The following GRK1 variants were observed in gnomAD, a reference collection of about 807,000 sequenced individuals.
GRK1 encodes the protein G protein-coupled receptor kinase 1.
A neutral mutation model predicts 41.7 loss-of-function variants in GRK1; 28 were observed. The ratio of observed to expected loss-of-function variants is 0.67; its 90% CI spans 0.50 to 0.92. The LOEUF is 0.92. Ranked by LOEUF, GRK1 falls within the 40% of genes least tolerant of loss-of-function variation. The pLI is 0.00. For missense variants in GRK1, 703 were observed against 671.2 expected (o/e 1.05, Z -0.52); for synonymous variants, 327 against 286.7 (o/e 1.14, Z -1.42).
intron 4 of GRK1, among the ~76,000 whole-genome samples, chr13:113,727,365 A>G (rs1594575908): frequency 6.6e-6 from 1 of 151,838 alleles, no homozygotes; most frequent in East Asian, 1.9e-4. Context: ...TGTGGGCTGT[A>G]GGGTGTGGAC....
At chr13:113,651,905 T>C in the GRK1 span, among the ~76,000 whole-genome samples, 1 of 152,274 alleles carries the variant, frequency 6.6e-6, no homozygotes, top group African/African-American at 2.4e-5. Flanking sequence ...TAGGTGTCAC[T>C]AACTCATCAT....
upstream of GRK1, among the ~76,000 whole-genome samples, chr13:113,666,865 T>G (rs960485883): frequency 6.6e-6 from 1 of 152,222 alleles, no homozygotes; most frequent in Admixed American, 6.5e-5. Context: ...AAACAGCCTT[T>G]GTAAATTACG....
rs776339446 is a variant in GRK1, at chr13:113,669,822, CT to C, written c.827+9del. On this transcript the variant is annotated intron_variant, in intron 2 of 6. Coordinates refer to ENST00000335678, the MANE Select transcript of GRK1 (RefSeq NM_002929.3). ...GAACGGAGGTGACATCAGGTAAGGG[CT>C]GGGCCAGAGGGCACGAGGGGGCCCC... The C allele has an allele frequency of 1.2e-6, 2 of 1,613,732 alleles. No homozygotes were observed. Among genetic ancestry groups the C allele is most frequent in the South Asian group, 1.1e-5 (1 of 91,080 alleles).
chr13:113,724,431 TG>T, intron 4 of GRK1, among the ~76,000 whole-genome samples: 1 of 152,270 alleles, frequency 6.6e-6, no homozygotes, highest in South Asian at 2.1e-4. Flanking sequence ...TGTCGCCTGA[TG>T]GGGTTTGTGT....
chr13:113,668,395 A>G (rs1209802148), intron 1 of GRK1, among the ~76,000 whole-genome samples: 1 of 152,130 alleles, frequency 6.6e-6, no homozygotes. Context: ...AGGACCTCTC[A>G]GGGGAGGCTG....
In GRK1 at chr13:113,737,522, C is replaced by T. The variant is rs1202414872; in HGVS notation, c.*2159C>T. On this transcript the variant is annotated 3_prime_UTR_variant, in exon 7 of 7. Transcript: ENST00000335678. ...GCACGTCTTCCCATAGATCCCACGTCGGCCACACCCTGGGTGAGGAGCATG... is the reference window on the plus strand; with the variant it reads ...GCACGTCTTCCCATAGATCCCACGTTGGCCACACCCTGGGTGAGGAGCATG... The T allele has an allele frequency of 1.3e-5, 2 of 152,036 alleles. No homozygotes were observed. The highest frequency in any genetic ancestry group is 2.0e-4 in the East Asian group (1 of 4,922). The allele number at this position is 152,036 out of a possible 1,614,324, so 9.4% of individuals were successfully genotyped here.
At position 113,671,396 on chromosome 13, in the gene GRK1, A is replaced by T; in HGVS notation, c.828-103A>T. 1 of 743,926 alleles carries T rather than the reference A, an allele frequency of 1.3e-6. No individual in the cohort carries two copies. The highest frequency in any genetic ancestry group is 1.4e-5 in the South Asian group (1 of 71,000). 46.1% of individuals were successfully genotyped at this position (743,926 alleles called of 1,614,324 possible). A position where few individuals can be genotyped will look rare whatever the true frequency, so the allele number is the denominator to read the frequency against. On this transcript the variant is annotated intron_variant, in intron 2 of 6. Coordinates refer to ENST00000335678, the MANE Select transcript of GRK1 (RefSeq NM_002929.3). The surrounding 1 kb of genome is among the most constrained non-coding windows in gnomAD (Gnocchi z 4.1). ...GGGGGCCAGGCCTCAAAACGACCAGAACGCTGGCCGAGAGACATGGTTCTG... is the reference window on the plus strand; with the variant it reads ...GGGGGCCAGGCCTCAAAACGACCAGTACGCTGGCCGAGAGACATGGTTCTG...
the GRK1 span, chr13:113,657,956 C>T: frequency 8.0e-7 from 1 of 1,253,520 alleles, no homozygotes; most frequent in Non-Finnish European, 1.1e-6. Flanking sequence ...TGCTCCCCTC[C>T]TCCTGAGCTC....
upstream of GRK1, among the ~76,000 whole-genome samples, chr13:113,665,405 A>G (rs146454558): frequency 3.3e-3 from 431 of 131,522 alleles, 2 homozygotes; most frequent in South Asian, 0.02. Flanking sequence ...GCTGTCTCAG[A>G]TGTGCCCCAG....
chr13:113,728,011 G>A (rs1269122280), intron 4 of GRK1, among the ~76,000 whole-genome samples: 5 of 56,532 alleles, frequency 8.8e-5, no homozygotes, highest in African/African-American at 2.5e-4. Context: ...TACCCATGGC[G>A]ATGAGGAGTA....
the GRK1 span, among the ~76,000 whole-genome samples, chr13:113,656,190 C>G: frequency 2.0e-5 from 3 of 152,202 alleles, no homozygotes; most frequent in East Asian, 5.8e-4. Context: ...CTCCCTGGTG[C>G]TGGCCCTGCA....
upstream of GRK1, among the ~76,000 whole-genome samples, chr13:113,665,367 ATGCCCCAGCTGTCCCAGGTG>A (rs367856087): frequency 6.7e-6 from 1 of 148,984 alleles, no homozygotes; most frequent in Admixed American, 6.6e-5. Flanking sequence ...TGTCCGAGGT[ATGCCCCAGCTGTCCCAGGTG>A]TGCCCCAGCT....
At chr13:113,669,388 C>T (rs1304859085) in intron 1 of GRK1, among the ~76,000 whole-genome samples, 2 of 152,206 alleles carry the variant, frequency 1.3e-5, no homozygotes, top group East Asian at 3.9e-4. Flanking sequence ...GCGGGGCTGG[C>T]AGGGTCCTCA....
the GRK1 span, chr13:113,653,038 G>C: frequency 6.2e-7 from 1 of 1,613,376 alleles, no homozygotes. Context: ...CGGAGGTGCA[G>C]TTGATGCTGT....
intron 6 of GRK1, among the ~76,000 whole-genome samples, chr13:113,733,513 G>GTGTGCA (rs2049953897): frequency 7.6e-6 from 1 of 132,248 alleles, no homozygotes; most frequent in East Asian, 2.0e-4. Flanking sequence ...GTGTGCACGT[G>GTGTGCA]TGTGTGCATG....
chr13:113,723,854 CTG>C (rs1491210389), intron 4 of GRK1, among the ~76,000 whole-genome samples: 3 of 148,660 alleles, frequency 2.0e-5, no homozygotes, highest in South Asian at 2.1e-4. Flanking sequence ...GTCTGTGTGC[CTG>C]TGTGTGCATG....
In GRK1 at chr13:113,669,830, G is replaced by A; in HGVS notation, c.827+16G>A. The A allele has an allele frequency of 6.2e-7, 1 of 1,613,178 alleles. No individual in the cohort carries two copies. Among genetic ancestry groups the A allele is most frequent in the African/African-American group, 1.3e-5 (1 of 75,034 alleles). ...GTGACATCAGGTAAGGGCTGGGCCA[G>A]AGGGCACGAGGGGGCCCCGCTGTCC... On this transcript the variant is annotated intron_variant, in intron 2 of 6. Transcript: ENST00000335678.
At chr13:113,664,905 G>A (rs1209294506), upstream of GRK1, among the ~76,000 whole-genome samples, 3 of 152,242 alleles carry the variant, frequency 2.0e-5, no homozygotes, top group Non-Finnish European at 4.4e-5. This position sits in a 1 kb window ranked among gnomAD's most constrained non-coding sequence, Gnocchi z 5.4. Context: ...CAAGGTCACT[G>A]CTGTGAAGGG....
chr13:113,664,633 A>G (rs1004460844), upstream of GRK1, among the ~76,000 whole-genome samples: 4 of 152,160 alleles, frequency 2.6e-5, no homozygotes, highest in East Asian at 7.7e-4. This position sits in a 1 kb window ranked among gnomAD's most constrained non-coding sequence, Gnocchi z 5.4. Flanking sequence ...CCCCCAGTCC[A>G]ACAGGAAGCC....
Sources: allele counts gnomAD v4.1 joint callset (sites outside exome capture counted in the v4.1 genomes callset), GRCh38; gene constraint gnomAD v4.1.1; non-coding constraint Gnocchi (gnomAD v3.1); transcripts MANE v1.5; gene names NCBI Gene and HGNC (gene_info 2026-07-23, HGNC 2026-07-21).